SYTL5: variants seen among roughly 807,000 people sequenced by gnomAD.
The protein encoded by SYTL5 is synaptotagmin like 5.
SYTL5 carries 34 observed loss-of-function variants against 55.9 expected under a neutral mutation model. The ratio of observed to expected loss-of-function variants is 0.61; its 90% CI spans 0.46 to 0.81. The LOEUF (loss-of-function observed/expected upper bound fraction) is 0.81. Among genes scored for constraint, SYTL5 ranks in the 30% least tolerant of loss-of-function variants. The pLI is 0.00. For synonymous variants in SYTL5, 221 were observed against 188.7 expected (o/e 1.17, Z -1.40); for missense variants, 637 against 546.7 (o/e 1.17, Z -1.65).
chrX:37,958,293 A>G, the SYTL5 span, among the ~76,000 whole-genome samples: 6 of 111,196 alleles, frequency 5.4e-5, no homozygotes, highest in Non-Finnish European at 9.4e-5. Flanking sequence ...GAAGTCTGAG[A>G]GCATGGTACC....
chrX:37,985,682 C>G, the SYTL5 span, among the ~76,000 whole-genome samples: 1 of 109,692 alleles, frequency 9.1e-6, no homozygotes, highest in South Asian at 3.9e-4. Flanking sequence ...ACAAGTGGAA[C>G]GTAAAATTCA....
chrX:38,077,232 A>T (rs1602372807), intron 6 of SYTL5, among the ~76,000 whole-genome samples: 1 of 111,532 alleles, frequency 9.0e-6, no homozygotes, highest in South Asian at 3.8e-4. Context: ...AATAATGAGA[A>T]ACACAAAGGA....
chrX:37,947,918 G>T, the SYTL5 span, among the ~76,000 whole-genome samples: 4 of 111,454 alleles, frequency 3.6e-5, no homozygotes, highest in Admixed American at 3.8e-4. Flanking sequence ...TTTCTCCTGT[G>T]CCTCCCCAAC....
chrX:37,926,919 A>G, the SYTL5 span, among the ~76,000 whole-genome samples: 2 of 112,116 alleles, frequency 1.8e-5, no homozygotes, highest in Non-Finnish European at 3.8e-5. Context: ...TATAACTTAT[A>G]GAGACAGATC....
chrX:37,945,605 G>A, the SYTL5 span, among the ~76,000 whole-genome samples: 5 of 111,536 alleles, frequency 4.5e-5, no homozygotes, highest in Admixed American at 3.8e-4. Context: ...AACTTAGAGC[G>A]TGTCTTCAAA....
At chrX:37,994,043 C>A in the SYTL5 span, among the ~76,000 whole-genome samples, 2 of 111,381 alleles carry the variant, frequency 1.8e-5, no homozygotes. Flanking sequence ...ACTAGGGTGA[C>A]CAGGTTCCTT....
the SYTL5 span, among the ~76,000 whole-genome samples, chrX:37,933,153 A>G: frequency 2.7e-5 from 3 of 111,843 alleles, no homozygotes. Context: ...TGAAAATGGC[A>G]GAGTAAGGAC....
the SYTL5 span, among the ~76,000 whole-genome samples, chrX:37,984,719 G>C: frequency 9.0e-5 from 10 of 110,938 alleles, no homozygotes; most frequent in Non-Finnish European, 1.9e-4. Flanking sequence ...TTAAGAATAT[G>C]GGTACAAAAA....
chrX:38,021,233 A>G (rs960263427), intron 1 of SYTL5, among the ~76,000 whole-genome samples: 3 of 111,952 alleles, frequency 2.7e-5, no homozygotes, highest in African/African-American at 9.8e-5. Context: ...AACAATGTTT[A>G]TGAATCTCTA....
the SYTL5 span, chrX:37,946,482 G>A: frequency 1.7e-5 from 4 of 240,468 alleles, no homozygotes; most frequent in South Asian, 5.2e-5. Context: ...TCTTGGAACT[G>A]GATTTTTCAT....
At chrX:38,046,587 G>C (rs1935468923) in intron 2 of SYTL5, among the ~76,000 whole-genome samples, 1 of 111,566 alleles carries the variant, frequency 9.0e-6, no homozygotes, top group Non-Finnish European at 1.9e-5. Context: ...ATGAAACTTG[G>C]GTGGGGACAG....
chrX:37,912,447 G>A, the SYTL5 span, among the ~76,000 whole-genome samples: 66 of 111,929 alleles, frequency 5.9e-4, no homozygotes, highest in Non-Finnish European at 1.2e-3. Flanking sequence ...AGAGTGTCTG[G>A]TCTCCCTGAC....
At chrX:38,014,876 A>G (rs949704426) in intron 1 of SYTL5, among the ~76,000 whole-genome samples, 1 of 112,352 alleles carries the variant, frequency 8.9e-6, no homozygotes, top group African/African-American at 3.2e-5. Context: ...TCCTTTGTCC[A>G]CAAGAAATTT....
intron 9 of SYTL5, among the ~76,000 whole-genome samples, 192 bp downstream of exon 9, chrX:38,096,426 T>A (rs73467466): frequency 0.014 from 1,566 of 111,551 alleles, 11 homozygotes; most frequent in Middle Eastern, 0.019. Flanking sequence ...TGGGTAATCA[T>A]GTTAATGAGT....
intron 9 of SYTL5, among the ~76,000 whole-genome samples, chrX:38,100,292 A>T (rs1298014855): frequency 9.0e-6 from 1 of 111,230 alleles, no homozygotes; most frequent in African/African-American, 3.3e-5. Context: ...ATTTAACATC[A>T]TCAACAGATT....
chrX:37,944,257 T>C, the SYTL5 span, among the ~76,000 whole-genome samples: 6 of 110,967 alleles, frequency 5.4e-5, no homozygotes, highest in African/African-American at 2.0e-4. Context: ...ACAGGTCTGG[T>C]CTGTTTTGGA....
chrX:38,015,118 T>C (rs971087372), intron 1 of SYTL5, among the ~76,000 whole-genome samples: 2 of 112,202 alleles, frequency 1.8e-5, no homozygotes, highest in African/African-American at 6.5e-5. Flanking sequence ...TGTATATAAG[T>C]GCTGAGTGTT....
At chrX:37,987,235 A>G in the SYTL5 span, among the ~76,000 whole-genome samples, 16 of 112,216 alleles carry the variant, frequency 1.4e-4, no homozygotes, top group African/African-American at 5.2e-4. Context: ...TTATCAATTG[A>G]GAATAATTTT....
the SYTL5 span, among the ~76,000 whole-genome samples, chrX:37,915,467 A>T: frequency 2.7e-5 from 3 of 111,867 alleles, no homozygotes; most frequent in Non-Finnish European, 3.8e-5. Context: ...GGTTATCAGA[A>T]ATTAAAAGCA....
Sources: allele counts gnomAD v4.1 joint callset (sites outside exome capture counted in the v4.1 genomes callset), GRCh38; gene constraint gnomAD v4.1.1; transcripts MANE v1.5; gene names NCBI Gene and HGNC (gene_info 2026-07-23, HGNC 2026-07-21).